The following TMTC1 variants were observed in gnomAD, a reference collection of about 807,000 sequenced individuals.
TMTC1 encodes protein O-mannosyl-transferase TMTC1.
TMTC1 carries 73 observed loss-of-function variants against 104.8 expected under a neutral mutation model. That is an observed-to-expected ratio of 0.70 (90% CI 0.58 to 0.85). The LOEUF (loss-of-function observed/expected upper bound fraction) is 0.85, where lower values mean the gene tolerates loss of function less well. Among genes scored for constraint, TMTC1 ranks in the 40% least tolerant of loss-of-function variants. The pLI is 0.00. For missense variants in TMTC1, 1,035 were observed against 1,096.1 expected (o/e 0.94, Z 0.79); for synonymous variants, 434 against 428.7 (o/e 1.01, Z -0.15).
chr12:29,723,929 C>T (rs302386), intron 5 of TMTC1, among the ~76,000 whole-genome samples: 141,245 of 152,260 alleles, frequency 0.93, 66,136 homozygotes, highest in Non-Finnish European at 0.99. Context: ...AAGTGAAGAC[C>T]TTAGACTTAA....
Position 29,692,251 on chromosome 12 carries a change from C to T in TMTC1, c.939-58915G>A, listed in dbSNP as rs556518630. Reference sequence around the variant, plus strand: ...CATACCACTTTATTCTCATTGCTTCCCATCAACATCATCTTTATTTCGCTT... The same window carrying T: ...CATACCACTTTATTCTCATTGCTTCTCATCAACATCATCTTTATTTCGCTT... On this transcript the variant is annotated intron_variant, in intron 5 of 17. Coordinates refer to ENST00000539277, the MANE Select transcript of TMTC1 (RefSeq NM_001193451.2). 1.4e-5 allele frequency among the ~76,000 whole-genome samples: 2 copies of T among 145,138 alleles called. 1 individual carries two copies. Among genetic ancestry groups the T allele is most frequent in the South Asian group, 4.4e-4 (2 of 4,566 alleles).
intron 5 of TMTC1, among the ~76,000 whole-genome samples, chr12:29,648,927 T>C (rs1394671951): frequency 2.0e-5 from 3 of 152,174 alleles, no homozygotes; most frequent in Non-Finnish European, 4.4e-5. Flanking sequence ...CCATTGGAAC[T>C]AGCATTTGAT....
intron 5 of TMTC1, among the ~76,000 whole-genome samples, chr12:29,646,525 C>A (rs10843462): frequency 6.6e-6 from 1 of 151,942 alleles, no homozygotes; most frequent in African/African-American, 2.4e-5. Context: ...AGTAAGTGAT[C>A]CAGATCTGCA....
chr12:29,599,509 C>T (rs1946497459), intron 7 of TMTC1, among the ~76,000 whole-genome samples: 1 of 152,118 alleles, frequency 6.6e-6, no homozygotes, highest in South Asian at 2.1e-4. Context: ...GAACAGAAGC[C>T]ACAAGATTTA....
In TMTC1 at chr12:29,604,254, A is replaced by G. The variant is rs373966510; in HGVS notation, c.1174T>C (p.Phe392Leu). The G allele has an allele frequency of 4.2e-5, 67 of 1,613,914 alleles. No individual in the cohort carries two copies. Among genetic ancestry groups the G allele is most frequent in the Non-Finnish European group, 5.6e-5 (66 of 1,179,908 alleles). Reference sequence around the variant, plus strand: ...AGGTTGCTGGCTGGAATGAACGGGAACACCAGGAACAACAAGCCGACTAAA... The same window carrying G: ...AGGTTGCTGGCTGGAATGAACGGGAGCACCAGGAACAACAAGCCGACTAAA... ...EVLVGLLFLV[F>L]PFIPASNLFF... Residue 392 changes from phenylalanine (F) to leucine (L), a missense_variant, in exon 7 of 18, where the codon TTC (phenylalanine) becomes CTC (leucine). Phe to Leu is a conservative substitution (Grantham distance 22). Transcript: ENST00000539277.
At chr12:29,589,738 T>C (rs987401287) in intron 7 of TMTC1, among the ~76,000 whole-genome samples, 1 of 152,350 alleles carries the variant, frequency 6.6e-6, no homozygotes, top group Non-Finnish European at 1.5e-5. Context: ...CAATATATGT[T>C]TGCGTGTCTA....
chr12:29,572,109 G>A lies in TMTC1; in HGVS notation c.1528C>T (p.Leu510Phe). The change falls in exon 9 of 18, where the codon CTC (leucine) becomes TTC (phenylalanine). Residue 510 changes from leucine to phenylalanine, a missense_variant. Physicochemically the swap from Leu to Phe is conservative, Grantham distance 22. Coordinates refer to ENST00000539277, the MANE Select transcript of TMTC1 (RefSeq NM_001193451.2). The stretch of plus-strand genomic sequence containing the variant: ...CCCTCCCTGTGTGGCGCTTACTTGA[G>A]AGCTGTTCTGTAGTGGTAGATCGCT... ...KEAIYHYRTA[L>F]KLYPRHASAL... 6.2e-7 allele frequency: 1 copy of A among 1,613,450 alleles called. No individual in the cohort carries two copies. The highest frequency in any genetic ancestry group is 8.5e-7 in the Non-Finnish European group (1 of 1,179,442).
chr12:29,649,682 A>G (rs1251932988), intron 5 of TMTC1, among the ~76,000 whole-genome samples: 2 of 152,246 alleles, frequency 1.3e-5, no homozygotes, highest in Non-Finnish European at 2.9e-5. Context: ...CTGTTTTTAT[A>G]AAGTTACAAG....
At chr12:29,730,355 C>T (rs2136914211) in intron 5 of TMTC1, among the ~76,000 whole-genome samples, 1 of 152,256 alleles carries the variant, frequency 6.6e-6, no homozygotes, top group South Asian at 2.1e-4. Flanking sequence ...AGCCACATTT[C>T]TTAGGAGGCA....
chr12:29,754,846 ATC>A (rs1943177597), intron 4 of TMTC1, among the ~76,000 whole-genome samples: 1 of 152,214 alleles, frequency 6.6e-6, no homozygotes, highest in Non-Finnish European at 1.5e-5. Flanking sequence ...GCCACTCAAT[ATC>A]ACTGCTCTTA....
intron 5 of TMTC1, among the ~76,000 whole-genome samples, chr12:29,643,459 A>C: frequency 1.1e-5 from 1 of 94,264 alleles, no homozygotes; most frequent in African/African-American, 3.8e-5. Flanking sequence ...CATATATATG[A>C]TGGAATATAT....
At chr12:29,687,264 A>G (rs1941123630) in intron 5 of TMTC1, among the ~76,000 whole-genome samples, 1 of 152,238 alleles carries the variant, frequency 6.6e-6, no homozygotes, top group Non-Finnish European at 1.5e-5. Context: ...GTAGTGGACA[A>G]ACAGACACTT....
intron 7 of TMTC1, among the ~76,000 whole-genome samples, chr12:29,600,790 C>G (rs955068706): frequency 2.0e-5 from 3 of 152,104 alleles, no homozygotes; most frequent in African/African-American, 7.2e-5. Context: ...GATGGCATCT[C>G]CGGAGGGGGA....
intron 6 of TMTC1, 48 bp from the exon 7 acceptor site, chr12:29,604,347 CT>C (rs1565703137): frequency 6.2e-7 from 1 of 1,609,956 alleles, no homozygotes. Context: ...TTGAATTCCA[CT>C]TCAGGCAGCA....
chr12:29,683,994 C>T (rs1267503311), intron 5 of TMTC1, among the ~76,000 whole-genome samples: 4 of 152,102 alleles, frequency 2.6e-5, no homozygotes, highest in Non-Finnish European at 4.4e-5. Context: ...TAGGCGTGTG[C>T]CACCATGCCC....
At chr12:29,603,788 G>A (rs936216278) in intron 7 of TMTC1, among the ~76,000 whole-genome samples, 2 of 152,164 alleles carry the variant, frequency 1.3e-5, no homozygotes, top group African/African-American at 2.4e-5. Context: ...AACAAAAGAA[G>A]TTAATTACAA....
intron 7 of TMTC1, among the ~76,000 whole-genome samples, chr12:29,585,081 C>T (rs1470169260): frequency 6.7e-6 from 1 of 149,702 alleles, no homozygotes; most frequent in Non-Finnish European, 1.5e-5. Context: ...TCCTATTTCT[C>T]CACATCCTCT....
intron 5 of TMTC1, among the ~76,000 whole-genome samples, chr12:29,686,149 A>G (rs897415137): frequency 1.4e-4 from 22 of 152,162 alleles, no homozygotes; most frequent in Admixed American, 6.5e-4. Flanking sequence ...TACATGTGAC[A>G]TTGTTCATCA....
chr12:29,703,897 G>A (rs1241827475), intron 5 of TMTC1, among the ~76,000 whole-genome samples: 1 of 152,126 alleles, frequency 6.6e-6, no homozygotes, highest in African/African-American at 2.4e-5. Context: ...GATATGGTTT[G>A]GCTGTGTCCC....
Sources: allele counts gnomAD v4.1 joint callset (sites outside exome capture counted in the v4.1 genomes callset), GRCh38; gene constraint gnomAD v4.1.1; transcripts MANE v1.5; gene names NCBI Gene and HGNC (gene_info 2026-07-23, HGNC 2026-07-21).